INPP5A: variants seen among roughly 807,000 people sequenced by gnomAD.
The protein encoded by INPP5A is 43 kDa inositol polyphosphate 5-phophatase.
Under a neutral mutation model 65.2 loss-of-function variants are expected in INPP5A, and 14 were observed. The ratio of observed to expected loss-of-function variants is 0.21; its 90% CI spans 0.14 to 0.34. The LOEUF (loss-of-function observed/expected upper bound fraction) is 0.34, where lower values mean the gene tolerates loss of function less well. Among genes scored for constraint, INPP5A ranks in the 10% least tolerant of loss-of-function variants. The probability of loss-of-function intolerance (pLI) is 1.00; values close to 1 mark genes in which losing one functional copy is unlikely to be tolerated. For synonymous variants in INPP5A, 207 were observed against 208.3 expected (o/e 0.99, Z 0.05); for missense variants, 431 against 545.6 (o/e 0.79, Z 2.09).
chr10:132,651,815 C>T lies in INPP5A; in HGVS notation c.306+1310C>T, dbSNP rs147375716. On this transcript the variant is annotated intron_variant, in intron 4 of 15. Transcript: ENST00000368594. The surrounding 1 kb of genome is among the most constrained non-coding windows in gnomAD (Gnocchi z 5.0). ...CTGAGATGGTCACACAGCTGTCATG[C>T]GTGGTCCCCACCAGTAGTGGAGTCT... is the stretch of plus-strand genomic sequence containing the variant. 3.7e-4 allele frequency among the ~76,000 whole-genome samples: 57 copies of T among 152,326 alleles called. No individual in the cohort carries two copies. Among genetic ancestry groups the T allele is most frequent in the Admixed American group, 7.8e-4 (12 of 15,314 alleles).
At chr10:132,589,252 T>A (rs1406436973) in intron 1 of INPP5A, among the ~76,000 whole-genome samples, 3 of 152,238 alleles carry the variant, frequency 2.0e-5, no homozygotes, top group Non-Finnish European at 4.4e-5. Context: ...TGGGGTCGTT[T>A]GACAGGCGGC....
chr10:132,628,233 G>A lies in INPP5A; in HGVS notation c.118-17635G>A, dbSNP rs998663890. ...GGGCCGGCATGGCTGAGAGCCCATC[G>A]TGGACCCTGGGAGGAGACTGATGGG... On this transcript the variant is annotated intron_variant, in intron 2 of 15. Transcript: ENST00000368594. Among the ~76,000 whole-genome samples the A allele has an allele frequency of 7.2e-5, 11 of 152,332 alleles. No homozygotes were observed. In the East Asian group the frequency reaches 9.6e-4, roughly 13 times the overall value.
intron 2 of INPP5A, among the ~76,000 whole-genome samples, chr10:132,645,618 G>A (rs2072483587): frequency 6.6e-6 from 1 of 152,196 alleles, no homozygotes; most frequent in Admixed American, 6.5e-5. Flanking sequence ...AGGCTTCTGA[G>A]AAATCTGGAC....
chr10:132,601,073 G>A (rs993381178), intron 1 of INPP5A, among the ~76,000 whole-genome samples: 8 of 152,176 alleles, frequency 5.3e-5, no homozygotes, highest in African/African-American at 1.9e-4. Flanking sequence ...TCTTCATAGC[G>A]ATGGCACCAT....
At chr10:132,621,039 A>G (rs1466378457) in intron 2 of INPP5A, among the ~76,000 whole-genome samples, 1 of 152,266 alleles carries the variant, frequency 6.6e-6, no homozygotes, top group Non-Finnish European at 1.5e-5. Context: ...ATCTCAGTAG[A>G]TGCAGAAAAC....
At chr10:132,702,731 A>G (rs1845456516) in intron 6 of INPP5A, among the ~76,000 whole-genome samples, 1 of 152,180 alleles carries the variant, frequency 6.6e-6, no homozygotes, top group African/African-American at 2.4e-5. Flanking sequence ...TTGCCTCCAC[A>G]TGCCACGGAG....
intron 9 of INPP5A, among the ~76,000 whole-genome samples, chr10:132,745,497 G>A (rs531634122): frequency 1.3e-4 from 19 of 150,058 alleles, no homozygotes; most frequent in South Asian, 6.4e-4. Context: ...TTCCCTTCCC[G>A]AGTCCGGGCA....
Position 132,749,555 on chromosome 10 carries a change from C to T in INPP5A, c.771C>T (p.Ala257=), listed in dbSNP as rs765991979. ...AAGCCACCATGCAGACGGTCCGGGC[C>T]GCCGACACCAATGAAGTGGTGAAGC... ...CTKATMQTVR[A]ADTNEVVKLI... Residue 257 remains alanine (A), a synonymous_variant, in exon 10 of 16, where the codon GCC becomes GCT. Coordinates refer to ENST00000368594, the MANE Select transcript of INPP5A (RefSeq NM_005539.5). 7.4e-6 allele frequency: 12 copies of T among 1,613,024 alleles called. No homozygotes were observed. Among genetic ancestry groups the T allele is most frequent in the African/African-American group, 6.7e-5 (5 of 75,060 alleles).
intron 6 of INPP5A, among the ~76,000 whole-genome samples, chr10:132,700,274 T>C (rs1405611604): frequency 6.6e-6 from 1 of 152,222 alleles, no homozygotes; most frequent in Admixed American, 6.5e-5. Context: ...CGTGTCGCTG[T>C]CTGCGGCCTG....
chr10:132,767,453 G>A (rs1298401059), intron 12 of INPP5A, among the ~76,000 whole-genome samples: 1 of 152,188 alleles, frequency 6.6e-6, no homozygotes, highest in East Asian at 1.9e-4. Context: ...TGGACAGGTT[G>A]GAGGAGCCTC....
chr10:132,771,150 A>G (rs1846940719), intron 12 of INPP5A, among the ~76,000 whole-genome samples: 2 of 152,154 alleles, frequency 1.3e-5, no homozygotes, highest in Non-Finnish European at 2.9e-5. Context: ...CAGCTGCTTT[A>G]GCTGACGACT....
chr10:132,591,498 G>T (rs1056428300), intron 1 of INPP5A, among the ~76,000 whole-genome samples: 1 of 152,212 alleles, frequency 6.6e-6, no homozygotes, highest in African/African-American at 2.4e-5. Context: ...GCTTTTGTTC[G>T]TTTCCTTCAG....
At chr10:132,688,865 T>C (rs1208124202) in intron 4 of INPP5A, among the ~76,000 whole-genome samples, 1 of 151,066 alleles carries the variant, frequency 6.6e-6, no homozygotes, top group Non-Finnish European at 1.5e-5. Flanking sequence ...TGTGCATGAG[T>C]TAGTGCATGA....
intron 1 of INPP5A, among the ~76,000 whole-genome samples, chr10:132,548,247 G>A (rs2071004112): frequency 6.6e-6 from 1 of 152,154 alleles, no homozygotes; most frequent in Non-Finnish European, 1.5e-5. Context: ...CAGCTGGAAG[G>A]GAGTTGGAGG....
intron 11 of INPP5A, among the ~76,000 whole-genome samples, chr10:132,754,698 C>T (rs773957392): frequency 2.5e-4 from 38 of 152,260 alleles, no homozygotes; most frequent in Admixed American, 4.6e-4. Flanking sequence ...GAAACACCAC[C>T]ACCCAGGCAG....
At chr10:132,588,286 A>T (rs1430665252) in intron 1 of INPP5A, among the ~76,000 whole-genome samples, 2 of 152,298 alleles carry the variant, frequency 1.3e-5, no homozygotes, top group East Asian at 3.9e-4. Context: ...AGGTTCAGCT[A>T]ACAGGAATAA....
chr10:132,719,081 G>T (rs980523776), intron 8 of INPP5A, among the ~76,000 whole-genome samples: 3 of 149,070 alleles, frequency 2.0e-5, no homozygotes, highest in African/African-American at 7.4e-5. Context: ...CGCGGGTTCT[G>T]TGGTACCTGG....
intron 12 of INPP5A, among the ~76,000 whole-genome samples, chr10:132,774,632 CTT>C (rs1847013261): frequency 6.6e-6 from 1 of 152,142 alleles, no homozygotes. Context: ...CATAGCCGGG[CTT>C]TTAAGCTTGT....
intron 9 of INPP5A, among the ~76,000 whole-genome samples, chr10:132,744,704 C>T (rs113437409): frequency 6.6e-6 from 1 of 152,154 alleles, no homozygotes; most frequent in African/African-American, 2.4e-5. Flanking sequence ...TGTGAACGCC[C>T]TTTTACTCCC....
Sources: gnomAD v4.1 joint callset for allele counts (sites outside exome capture counted in the v4.1 genomes callset) on GRCh38, gnomAD v4.1.1 for gene constraint, Gnocchi (gnomAD v3.1) non-coding constraint, MANE v1.5 for transcripts, NCBI Gene and HGNC (gene_info 2026-07-23, HGNC 2026-07-21) for gene names.